KCNH8: variants seen among roughly 807,000 people sequenced by gnomAD.
KCNH8 encodes the protein potassium voltage-gated channel subfamily H member 8.
A neutral mutation model predicts 103.6 loss-of-function variants in KCNH8; 70 were observed. The observed-to-expected ratio is 0.68, with a 90% CI of 0.56 to 0.82. KCNH8 has a LOEUF of 0.82. KCNH8 is among the 40% of genes least tolerant of loss of function. The probability of loss-of-function intolerance (pLI) is 0.00; values close to 1 mark genes in which losing one functional copy is unlikely to be tolerated. For missense variants in KCNH8, 1,217 were observed against 1,329.9 expected (o/e 0.92, Z 1.32); for synonymous variants, 498 against 489.4 (o/e 1.02, Z -0.23).
intron 11 of KCNH8, among the ~76,000 whole-genome samples, chr3:19,505,088 C>T (rs1033464747): frequency 6.6e-6 from 1 of 150,556 alleles, no homozygotes; most frequent in Non-Finnish European, 1.5e-5. Flanking sequence ...TATAGATACA[C>T]ACACACACAC....
intron 11 of KCNH8, among the ~76,000 whole-genome samples, chr3:19,482,816 A>G (rs968433514): frequency 6.6e-5 from 10 of 152,226 alleles, no homozygotes; most frequent in African/African-American, 2.4e-4. Context: ...GCTAGCAAGT[A>G]GTAGAGAGCT....
chr3:19,495,445 C>A (rs1297720054), intron 11 of KCNH8, among the ~76,000 whole-genome samples: 2 of 151,756 alleles, frequency 1.3e-5, no homozygotes, highest in Non-Finnish European at 3.0e-5. Flanking sequence ...CCATTTACAC[C>A]ACTTATTGAG....
chr3:19,463,850 G>T (rs2067683424), intron 11 of KCNH8, among the ~76,000 whole-genome samples: 1 of 152,108 alleles, frequency 6.6e-6, no homozygotes, highest in Non-Finnish European at 1.5e-5. Context: ...ATTCATCACT[G>T]GAAGACCAGG....
intron 5 of KCNH8, among the ~76,000 whole-genome samples, chr3:19,389,803 G>T (rs918122349): frequency 1.3e-5 from 2 of 151,518 alleles, no homozygotes; most frequent in African/African-American, 4.8e-5. Flanking sequence ...AATTTTTTTT[G>T]AATTTTAATA....
chr3:19,411,752 A>G (rs754115792), intron 7 of KCNH8, among the ~76,000 whole-genome samples: 2 of 151,406 alleles, frequency 1.3e-5, no homozygotes, highest in Non-Finnish European at 3.0e-5. Context: ...ACACAATCCC[A>G]TTAACCGTAG....
At chr3:19,425,475 C>T (rs1477425608) in intron 7 of KCNH8, among the ~76,000 whole-genome samples, 3 of 152,106 alleles carry the variant, frequency 2.0e-5, no homozygotes, top group Non-Finnish European at 4.4e-5. Context: ...TGCATGTTCA[C>T]TAAATATTTT....
intron 5 of KCNH8, among the ~76,000 whole-genome samples, chr3:19,376,131 T>G (rs2066195341): frequency 6.6e-6 from 1 of 151,212 alleles, no homozygotes; most frequent in Non-Finnish European, 1.5e-5. Flanking sequence ...CTCCACCCAG[T>G]TCGAGCGTCC....
At chr3:19,512,780 G>A (rs1278344321) in intron 12 of KCNH8, among the ~76,000 whole-genome samples, 190 bp from the exon 13 acceptor site, 3 of 152,124 alleles carry the variant, frequency 2.0e-5, no homozygotes, top group Non-Finnish European at 4.4e-5. Context: ...AGTAAACCTG[G>A]AGAAGAGCAG....
chr3:19,148,777 A>T lies in KCNH8; in HGVS notation c.58A>T (p.Thr20Ser), dbSNP rs2063100351. The change falls in exon 1 of 16, where the codon ACC becomes TCC. Residue 20 changes from threonine (T) to serine (S), a missense_variant. Thr to Ser is a moderately conservative substitution (Grantham distance 58, BLOSUM62 1). Coordinates refer to ENST00000328405, the MANE Select transcript of KCNH8 (RefSeq NM_144633.3). ...PQNTFLDTIA[T>S]RFDGTHSNFI... ...AAACACCTTCCTGGACACCATCGCCACCCGTTTTGACGGAACACGTAAGTC... is the reference window on the plus strand; with the variant it reads ...AAACACCTTCCTGGACACCATCGCCTCCCGTTTTGACGGAACACGTAAGTC... 1.2e-6 allele frequency: 2 copies of T among 1,613,934 alleles called. No homozygotes were observed. The highest frequency in any genetic ancestry group is 3.3e-5 in the Admixed American group (2 of 59,998).
chr3:19,276,544 C>CAATGTTA (rs1559454768), intron 2 of KCNH8, among the ~76,000 whole-genome samples: 1 of 152,088 alleles, frequency 6.6e-6, no homozygotes, highest in Admixed American at 6.6e-5. Context: ...GAGCAATGCA[C>CAATGTTA]TATTTCCCAT....
intron 5 of KCNH8, among the ~76,000 whole-genome samples, chr3:19,365,697 A>G (rs2066002577): frequency 6.6e-6 from 1 of 152,056 alleles, no homozygotes; most frequent in Admixed American, 6.6e-5. Flanking sequence ...TCTTGCCTTC[A>G]TATGATTTAC....
At chr3:19,283,360 G>A (rs1164469379) in intron 3 of KCNH8, among the ~76,000 whole-genome samples, 2 of 152,036 alleles carry the variant, frequency 1.3e-5, no homozygotes, top group African/African-American at 4.8e-5. Flanking sequence ...TAGGGAACAT[G>A]TACAATGTAA....
chr3:19,374,216 G>C (rs1410497332), intron 5 of KCNH8, among the ~76,000 whole-genome samples: 2 of 151,006 alleles, frequency 1.3e-5, no homozygotes, highest in African/African-American at 4.9e-5. Context: ...GGGTGTTAAA[G>C]TCTCCCATTA....
At chr3:19,201,567 A>G (rs1349985853) in intron 1 of KCNH8, among the ~76,000 whole-genome samples, 1 of 151,912 alleles carries the variant, frequency 6.6e-6, no homozygotes, top group East Asian at 1.9e-4. Flanking sequence ...TTTTTTTTAT[A>G]TTCTACTCCA....
At position 19,161,609 on chromosome 3, in the gene KCNH8, G is replaced by C. The variant is rs150316278; in HGVS notation, c.76+12814G>C. ...ATTGAAGTAAAACTTTTCAAAGTTC[G>C]TTCTGTAGGTGAATTATATTTCTCT... On this transcript the variant is annotated intron_variant, in intron 1 of 15. Transcript: ENST00000328405. 1.6e-4 allele frequency among the ~76,000 whole-genome samples: 25 copies of C among 152,202 alleles called. No homozygotes were observed. In the South Asian group the frequency reaches 3.7e-3, roughly 23 times the overall value.
intron 3 of KCNH8, among the ~76,000 whole-genome samples, chr3:19,308,165 AATT>A (rs1316631461): frequency 1.3e-5 from 2 of 152,036 alleles, no homozygotes; most frequent in African/African-American, 2.4e-5. Context: ...GAATATGTAC[AATT>A]ATTGTCAATT....
intron 3 of KCNH8, among the ~76,000 whole-genome samples, chr3:19,318,662 TACAC>T (rs141442113): frequency 0.4 from 56,408 of 142,238 alleles, 11,744 homozygotes; most frequent in African/African-American, 0.55. Context: ...TGTGTGTGTG[TACAC>T]ACACACACAC....
chr3:19,251,294 G>T (rs756776679), intron 1 of KCNH8, among the ~76,000 whole-genome samples: 8 of 151,762 alleles, frequency 5.3e-5, no homozygotes, highest in African/African-American at 9.7e-5. Context: ...AAGTGTGAGA[G>T]AATTAATTAT....
chr3:19,177,828 C>T (rs1026102183), intron 1 of KCNH8, among the ~76,000 whole-genome samples: 3 of 152,090 alleles, frequency 2.0e-5, no homozygotes, highest in Admixed American at 1.3e-4. Flanking sequence ...AATGAAAAGA[C>T]TTCATAATTA....
Sources: allele counts gnomAD v4.1 joint callset (sites outside exome capture counted in the v4.1 genomes callset), GRCh38; gene constraint gnomAD v4.1.1; transcripts MANE v1.5; gene names NCBI Gene and HGNC (gene_info 2026-07-23, HGNC 2026-07-21).